The following LRRC37A variants were observed in gnomAD, a reference collection of about 807,000 sequenced individuals.
LRRC37A encodes leucine rich repeat containing 37A.
A neutral mutation model predicts 35.4 loss-of-function variants in LRRC37A; 3 were observed. That is an observed-to-expected ratio of 0.08 (90% CI 0.04 to 0.22). The LOEUF (loss-of-function observed/expected upper bound fraction) is 0.22, where lower values mean the gene tolerates loss of function less well. Ranked by LOEUF, LRRC37A falls within the 10% of genes least tolerant of loss-of-function variation. LRRC37A has a pLI of 1.00. For synonymous variants in LRRC37A, 23 were observed against 215.0 expected, an observed-to-expected ratio of 0.11 and a Z score of 7.81; for missense variants, 67 against 565.3, an observed-to-expected ratio of 0.12 and a Z score of 8.94.
the LRRC37A span, among the ~76,000 whole-genome samples, chr17:46,276,790 CT>C: frequency 4.2e-3 from 561 of 134,248 alleles, 2 homozygotes; most frequent in African/African-American, 0.011. Flanking sequence ...TTCTTTTTTT[CT>C]TTTTTTTTTT....
chr17:46,268,576 T>C, the LRRC37A span: 4 of 1,530,832 alleles, frequency 2.6e-6, no homozygotes, highest in African/African-American at 4.3e-5. Flanking sequence ...CTCCAGGTCC[T>C]GAGAGGCCAT....
At chr17:46,288,897 G>A (rs1598082080), upstream of LRRC37A, among the ~76,000 whole-genome samples, 1 of 152,110 alleles carries the variant, frequency 6.6e-6, no homozygotes, top group East Asian at 1.9e-4. Flanking sequence ...TAGAGACAGG[G>A]TTTCACCATG....
the LRRC37A span, among the ~76,000 whole-genome samples, chr17:46,259,019 A>ATTTTTT: frequency 7.8e-3 from 619 of 79,358 alleles, 132 homozygotes; most frequent in African/African-American, 0.01. Flanking sequence ...CACCCGGCCT[A>ATTTTTT]TTTTTTTTTT....
At chr17:46,291,581 G>A (rs2050068373), upstream of LRRC37A, among the ~76,000 whole-genome samples, 1 of 151,806 alleles carries the variant, frequency 6.6e-6, no homozygotes, top group African/African-American at 2.4e-5. Flanking sequence ...CTCAAAATAA[G>A]CTTGCAAAAT....
the LRRC37A span, among the ~76,000 whole-genome samples, chr17:46,287,449 G>C: frequency 6.6e-6 from 1 of 152,234 alleles, no homozygotes; most frequent in Admixed American, 6.5e-5. Flanking sequence ...ACACCAAGTA[G>C]AAGTTACACT....
the LRRC37A span, among the ~76,000 whole-genome samples, chr17:46,269,021 A>G: frequency 1.3e-5 from 2 of 152,252 alleles, no homozygotes; most frequent in Admixed American, 1.3e-4. Context: ...TAGTAGAAAT[A>G]GTCCACAAAA....
At chr17:46,278,414 TG>T in the LRRC37A span, among the ~76,000 whole-genome samples, 218 of 87,990 alleles carry the variant, frequency 2.5e-3, 4 homozygotes, top group East Asian at 0.023. Context: ...TTTTTTTTGT[TG>T]TTGTTTTAAG....
rs1172501707 is a variant in LRRC37A at position 46,314,845 on chromosome 17, C to T, written c.2907-7477C>T. ...TAGTTTGGATACCAGGTTAATATCA[C>T]CCTCATAGAATAAGTTAGGAAATGT... On this transcript the variant is annotated intron_variant, in intron 5 of 13. Coordinates refer to ENST00000320254, the Ensembl canonical transcript of LRRC37A. 4.9e-5 allele frequency among the ~76,000 whole-genome samples: 4 copies of T among 81,460 alleles called. 2 individuals are homozygous for T. The highest frequency in any genetic ancestry group is 1.5e-4 in the Non-Finnish European group (4 of 26,842). The allele number at this position is 81,460 out of a possible 152,430, so 53.4% of individuals were successfully genotyped here. A position where few individuals can be genotyped will look rare whatever the true frequency, so the allele number is the denominator to read the frequency against.
the LRRC37A span, among the ~76,000 whole-genome samples, chr17:46,261,661 C>T: frequency 6.6e-6 from 1 of 151,866 alleles, no homozygotes; most frequent in Non-Finnish European, 1.5e-5. Flanking sequence ...GATCTGCCCG[C>T]CTCGGCCTCC....
At chr17:46,254,138 T>C in the LRRC37A span, among the ~76,000 whole-genome samples, 2 of 152,178 alleles carry the variant, frequency 1.3e-5, no homozygotes, top group Admixed American at 1.3e-4. Context: ...TTGCCTCCCT[T>C]GCCTGCGGGA....
At chr17:46,317,152 C>A (rs1367522855) in intron 5 of LRRC37A, among the ~76,000 whole-genome samples, 2 of 88,570 alleles carry the variant, frequency 2.3e-5, no homozygotes, top group African/African-American at 6.0e-5. Flanking sequence ...GGGTGGCGGC[C>A]GGGCAGAGGC....
the LRRC37A span, among the ~76,000 whole-genome samples, chr17:46,274,252 C>T: frequency 5.0e-4 from 76 of 152,296 alleles, 1 homozygote; most frequent in African/African-American, 1.8e-3. Flanking sequence ...AATTTTAATA[C>T]AAAAAGAAAA....
At chr17:46,254,036 C>T in the LRRC37A span, among the ~76,000 whole-genome samples, 2 of 152,154 alleles carry the variant, frequency 1.3e-5, no homozygotes, top group African/African-American at 4.8e-5. Flanking sequence ...AAGGTCGCAC[C>T]CTGAGAGGCC....
chr17:46,281,131 C>T, the LRRC37A span, among the ~76,000 whole-genome samples: 3 of 152,094 alleles, frequency 2.0e-5, no homozygotes, highest in Non-Finnish European at 1.5e-5. Flanking sequence ...TTCTTTTATT[C>T]TTAATGTTTG....
rs1810183 is a variant in LRRC37A at position 46,325,087 on chromosome 17, G to T, written c.3053+2060G>T. ...TTTTGTCAGGTCACTTTCTTATCTT[G>T]ACCAGGTTGTCAGATCTCTTTTACT... On this transcript the variant is annotated intron_variant, in intron 7 of 13. Transcript: ENST00000320254. 2.9e-5 allele frequency among the ~76,000 whole-genome samples: 2 copies of T among 68,152 alleles called. 1 individual carries two copies. Among genetic ancestry groups the T allele is most frequent in the Admixed American group, 3.1e-4 (2 of 6,452 alleles). The allele number at this position is 68,152 out of a possible 152,430, so 44.7% of individuals were successfully genotyped here.
the LRRC37A span, among the ~76,000 whole-genome samples, chr17:46,271,164 C>CTTTTTTT: frequency 1.6e-5 from 2 of 121,298 alleles, no homozygotes; most frequent in Non-Finnish European, 1.7e-5. Flanking sequence ...GTAATAGTTT[C>CTTTTTTT]TTTTTTTTTT....
the LRRC37A span, among the ~76,000 whole-genome samples, chr17:46,261,648 G>A: frequency 1.3e-5 from 2 of 151,838 alleles, no homozygotes; most frequent in East Asian, 1.9e-4. Flanking sequence ...CCTGACCTCA[G>A]GTGATCTGCC....
At chr17:46,261,274 TATC>T in the LRRC37A span, among the ~76,000 whole-genome samples, 19,884 of 152,016 alleles carry the variant, frequency 0.13, 25 homozygotes, top group Middle Eastern at 0.2. Context: ...AAGTGTATAT[TATC>T]ACTTCTTCCA....
At chr17:46,277,949 AT>A in the LRRC37A span, among the ~76,000 whole-genome samples, 21,712 of 148,524 alleles carry the variant, frequency 0.15, 1,884 homozygotes, top group Middle Eastern at 0.23. Flanking sequence ...GTCTGGGTAG[AT>A]TTTTTTTCTT....
Sources: allele counts gnomAD v4.1 joint callset (sites outside exome capture counted in the v4.1 genomes callset), GRCh38; gene constraint gnomAD v4.1.1; transcripts MANE v1.5; gene names NCBI Gene and HGNC (gene_info 2026-07-23, HGNC 2026-07-21).